GALNT1: variants seen among roughly 807,000 people sequenced by gnomAD.
GALNT1 encodes GalNAc transferase 1.
Under a neutral mutation model 65.7 loss-of-function variants are expected in GALNT1, and 17 were observed. The ratio of observed to expected loss-of-function variants is 0.26; its 90% confidence interval spans 0.18 to 0.39. The LOEUF is 0.39. Ranked by LOEUF, GALNT1 falls within the 10% of genes least tolerant of loss-of-function variation. The pLI, the probability that GALNT1 is intolerant of heterozygous loss-of-function variation, is 1.00. For synonymous variants in GALNT1, 210 were observed against 219.7 expected, an observed-to-expected ratio of 0.96 and a Z score of 0.39; for missense variants, 460 against 672.8, an observed-to-expected ratio of 0.68 and a Z score of 3.50.
intron 1 of GALNT1, among the ~76,000 whole-genome samples, chr18:35,634,406 AG>A (rs1487780399): frequency 6.6e-6 from 1 of 152,186 alleles, no homozygotes; most frequent in Non-Finnish European, 1.5e-5. Context: ...CCGTAGGTTC[AG>A]TGATTGGCTA....
chr18:35,607,662 G>A (rs1350028240), intron 1 of GALNT1, among the ~76,000 whole-genome samples: 1 of 152,048 alleles, frequency 6.6e-6, no homozygotes, highest in Non-Finnish European at 1.5e-5. Flanking sequence ...TGCTGACTCG[G>A]GCTGGTCTTC....
intron 1 of GALNT1, among the ~76,000 whole-genome samples, chr18:35,589,123 G>A (rs1014519215): frequency 2.6e-5 from 4 of 152,206 alleles, no homozygotes; most frequent in Admixed American, 6.5e-5. Flanking sequence ...GAGGAAATTA[G>A]AAGTACAGGC....
chr18:35,583,469 C>T (rs969547426), intron 1 of GALNT1, among the ~76,000 whole-genome samples: 4 of 152,198 alleles, frequency 2.6e-5, no homozygotes, highest in African/African-American at 7.2e-5. Context: ...GCCTGGCTTT[C>T]TCAATAGAGT....
chr18:35,696,517 A>G (rs1340346654), intron 9 of GALNT1, among the ~76,000 whole-genome samples: 1 of 152,266 alleles, frequency 6.6e-6, no homozygotes, highest in East Asian at 1.9e-4. Flanking sequence ...GGAGCTGAGT[A>G]TTCTAAACAA....
intron 1 of GALNT1, among the ~76,000 whole-genome samples, chr18:35,584,646 G>T (rs761753466): frequency 6.6e-6 from 1 of 152,186 alleles, no homozygotes; most frequent in South Asian, 2.1e-4. Context: ...CAGTTTTTCC[G>T]TGGACCAGGT....
At chr18:35,648,246 TGTGTAAGTATG>T (rs558442038) in intron 1 of GALNT1, among the ~76,000 whole-genome samples, 14 of 152,328 alleles carry the variant, frequency 9.2e-5, no homozygotes, top group Middle Eastern at 3.4e-3. Flanking sequence ...TCACAATTTA[TGTGTAAGTATG>T]GTATTCAGTA....
At chr18:35,695,009 C>T (rs1387396953) in intron 9 of GALNT1, among the ~76,000 whole-genome samples, 3 of 152,078 alleles carry the variant, frequency 2.0e-5, no homozygotes, top group Non-Finnish European at 4.4e-5. Flanking sequence ...GTTACCAGGG[C>T]TGAGGGAAGG....
intron 1 of GALNT1, among the ~76,000 whole-genome samples, chr18:35,614,234 A>G (rs1026243847): frequency 6.6e-6 from 1 of 152,200 alleles, no homozygotes; most frequent in Non-Finnish European, 1.5e-5. Context: ...AGCAGTGTAT[A>G]AAGGAAATAC....
Position 35,688,262 on chromosome 18 carries a change from T to C in GALNT1, c.861-911T>C, listed in dbSNP as rs1044439609. ...AAATCCTTTTCTCATTCTTTTTTTCTTCTAAAATCAAAATAAGTCCAAACC... is the reference window on the plus strand; with the variant it reads ...AAATCCTTTTCTCATTCTTTTTTTCCTCTAAAATCAAAATAAGTCCAAACC... On this transcript the variant is annotated intron_variant, in intron 6 of 11. Transcript: ENST00000269195. Among the ~76,000 whole-genome samples, 3 of 152,154 alleles carry C rather than the reference T, an allele frequency of 2.0e-5. No individual in the cohort carries two copies. The East Asian group carries it at 5.8e-4, about 29-fold the overall frequency.
chr18:35,654,989 A>G (rs903357716), intron 2 of GALNT1, among the ~76,000 whole-genome samples, 188 bp downstream of exon 2: 1 of 152,210 alleles, frequency 6.6e-6, no homozygotes, highest in Non-Finnish European at 1.5e-5. Context: ...TGAAAGTATC[A>G]TATATAGAAT....
intron 3 of GALNT1, among the ~76,000 whole-genome samples, chr18:35,666,061 A>G (rs1343668153): frequency 2.0e-5 from 3 of 152,196 alleles, no homozygotes; most frequent in African/African-American, 7.2e-5. Flanking sequence ...TCAAAAAGAT[A>G]CCATTGAAGT....
intron 9 of GALNT1, among the ~76,000 whole-genome samples, chr18:35,693,923 ATGAGAAGGAATCAGCAAAAAAGAT>A (rs1850747712): frequency 6.6e-6 from 1 of 152,146 alleles, no homozygotes; most frequent in South Asian, 2.1e-4. Flanking sequence ...AATCATGGAG[ATGAGAAGGAATCAGCAAAAAAGAT>A]TGAGAAGGAG....
At chr18:35,683,717 T>C (rs1450466142) in intron 5 of GALNT1, 119 bp downstream of exon 5, 10 of 796,526 alleles carry the variant, frequency 1.3e-5, no homozygotes, top group Non-Finnish European at 1.9e-6. Flanking sequence ...AAGTTTGCTT[T>C]AAAATATCCG....
chr18:35,692,344 T>TA, intron 9 of GALNT1, 24 bp downstream of exon 9: 2 of 1,367,502 alleles, frequency 1.5e-6, no homozygotes. Flanking sequence ...ATATATATAT[T>TA]CTATGTGGTT....
At chr18:35,689,084 TATAA>T (rs1253952807) in intron 6 of GALNT1, 85 bp from the exon 7 acceptor site, 8 of 831,860 alleles carry the variant, frequency 9.6e-6, no homozygotes, top group Non-Finnish European at 1.7e-5. Flanking sequence ...ACTCAGTAGT[TATAA>T]ATAGTTATGA....
chr18:35,658,239 G>T (rs2047422360), intron 2 of GALNT1, among the ~76,000 whole-genome samples: 1 of 152,184 alleles, frequency 6.6e-6, no homozygotes, highest in Non-Finnish European at 1.5e-5. Context: ...CTAGACTTCA[G>T]TTAAGTCTGT....
At chr18:35,636,531 C>G (rs1194813216) in intron 1 of GALNT1, among the ~76,000 whole-genome samples, 1 of 152,172 alleles carries the variant, frequency 6.6e-6, no homozygotes, top group Non-Finnish European at 1.5e-5. Flanking sequence ...TGTTTCTTTG[C>G]CTGTCAGGTT....
intron 3 of GALNT1, among the ~76,000 whole-genome samples, chr18:35,671,666 G>A (rs894470997): frequency 2.0e-5 from 3 of 151,590 alleles, no homozygotes; most frequent in Non-Finnish European, 4.4e-5. Context: ...CTCCTTTCCT[G>A]CTTTTCTAAT....
chr18:35,630,861 A>T (rs1389135794), intron 1 of GALNT1, among the ~76,000 whole-genome samples: 8 of 152,264 alleles, frequency 5.3e-5, no homozygotes, highest in Non-Finnish European at 1.2e-4. Flanking sequence ...ATAAAAAATG[A>T]TGAAGGGGAT....
Sources: gnomAD v4.1 joint callset for allele counts (sites outside exome capture counted in the v4.1 genomes callset) on GRCh38, gnomAD v4.1.1 for gene constraint, MANE v1.5 for transcripts, NCBI Gene and HGNC (gene_info 2026-07-23, HGNC 2026-07-21) for gene names.